CEP112: variants seen among roughly 807,000 people sequenced by gnomAD.
The protein encoded by CEP112 is centrosomal protein 112, also known as centrosomal protein of 112 kDa.
CEP112 carries 127 observed loss-of-function variants against 153.0 expected under a neutral mutation model. The ratio of observed to expected loss-of-function variants is 0.83; its 90% CI spans 0.72 to 0.96. CEP112 has a LOEUF of 0.96. CEP112 is among the 40% of genes least tolerant of loss of function. CEP112 has a pLI of 0.00. For synonymous variants in CEP112, 358 were observed against 374.4 expected (o/e 0.96, Z 0.51); for missense variants, 1,089 against 1,101.2 (o/e 0.99, Z 0.16).
chr17:65,919,346 C>T (rs1217114434), intron 19 of CEP112, among the ~76,000 whole-genome samples: 1 of 152,186 alleles, frequency 6.6e-6, no homozygotes, highest in Non-Finnish European at 1.5e-5. Context: ...CACACTCCCC[C>T]GGGGATCACC....
At chr17:65,658,902 T>C (rs182428217) in intron 24 of CEP112, among the ~76,000 whole-genome samples, 1 of 150,362 alleles carries the variant, frequency 6.7e-6, no homozygotes, top group East Asian at 2.0e-4. Flanking sequence ...AAAGTAGGTG[T>C]TAGGTGCTGC....
intron 20 of CEP112, among the ~76,000 whole-genome samples, chr17:65,864,972 A>C (rs1007678752): frequency 7.1e-6 from 1 of 140,974 alleles, no homozygotes; most frequent in Non-Finnish European, 1.5e-5. Context: ...GTGTGTGTAC[A>C]TATCTATGTA....
chr17:65,953,820 C>G (rs1417439178), intron 18 of CEP112, among the ~76,000 whole-genome samples: 6 of 152,200 alleles, frequency 3.9e-5, no homozygotes, highest in Non-Finnish European at 7.3e-5. Flanking sequence ...CAAGGAGAGG[C>G]TGAGCTCAGA....
intron 21 of CEP112, among the ~76,000 whole-genome samples, chr17:65,809,908 CA>C (rs139539385): frequency 1.6e-3 from 244 of 152,072 alleles, no homozygotes; most frequent in African/African-American, 5.7e-3. Context: ...AGCAGCTAGC[CA>C]ATTAGGAGAA....
intron 20 of CEP112, among the ~76,000 whole-genome samples, chr17:65,863,670 A>G (rs2058382533): frequency 6.7e-6 from 1 of 150,336 alleles, no homozygotes; most frequent in African/African-American, 2.5e-5. Context: ...GAGGCAGGAG[A>G]ATGGCGTGAA....
intron 8 of CEP112, among the ~76,000 whole-genome samples, chr17:66,082,843 G>C (rs1027712555): frequency 1.3e-5 from 2 of 150,936 alleles, no homozygotes; most frequent in Non-Finnish European, 3.0e-5. Flanking sequence ...AATAAAACTA[G>C]ATATTAATAT....
chr17:66,069,884 A>T (rs1316535773), intron 9 of CEP112, 31 bp downstream of exon 9: 4 of 1,265,398 alleles, frequency 3.2e-6, no homozygotes, highest in Non-Finnish European at 4.6e-6. Context: ...TTAGTGTTCA[A>T]TATAATTAAA....
chr17:66,002,482 A>G (rs1173376156), intron 17 of CEP112, among the ~76,000 whole-genome samples: 3 of 152,134 alleles, frequency 2.0e-5, no homozygotes, highest in Non-Finnish European at 4.4e-5. Context: ...GTGAAGAAAG[A>G]CAGCTTGGAA....
At chr17:65,707,252 G>A (rs1005161321) in intron 23 of CEP112, among the ~76,000 whole-genome samples, 19 of 152,024 alleles carry the variant, frequency 1.2e-4, no homozygotes, top group Admixed American at 9.8e-4. Flanking sequence ...TAGGAGTGGC[G>A]CAGGATGAAT....
At chr17:65,960,949 C>G (rs2062176601) in intron 18 of CEP112, among the ~76,000 whole-genome samples, 1 of 151,952 alleles carries the variant, frequency 6.6e-6, no homozygotes, top group Non-Finnish European at 1.5e-5. Context: ...GCGATGGGTA[C>G]CCAGGTGTTT....
At chr17:66,073,473 G>GC in intron 8 of CEP112, among the ~76,000 whole-genome samples, 1 of 152,294 alleles carries the variant, frequency 6.6e-6, no homozygotes, top group Non-Finnish European at 1.5e-5. Flanking sequence ...TGGGATGTGT[G>GC]CACCCTGGGT....
intron 5 of CEP112, among the ~76,000 whole-genome samples, chr17:66,130,351 A>T (rs574721173): frequency 6.6e-6 from 1 of 152,346 alleles, no homozygotes; most frequent in South Asian, 2.1e-4. Context: ...ACGTGAAAAG[A>T]TGAATTATTC....
intron 23 of CEP112, among the ~76,000 whole-genome samples, chr17:65,734,052 TGCTGTCCCA>T (rs2050663167): frequency 1.3e-5 from 2 of 152,230 alleles, no homozygotes; most frequent in South Asian, 4.1e-4. Context: ...GAGTAGACTG[TGCTGTCCCA>T]GGACCCACTG....
chr17:65,789,246 C>G (rs956280667), intron 21 of CEP112, among the ~76,000 whole-genome samples: 3 of 152,184 alleles, frequency 2.0e-5, no homozygotes, highest in Non-Finnish European at 4.4e-5. Context: ...TCGCTCTTGA[C>G]AGTCCTGCCA....
intron 17 of CEP112, among the ~76,000 whole-genome samples, chr17:65,976,735 C>CTTTCTTT (rs1555743390): frequency 1.2e-5 from 1 of 85,358 alleles, no homozygotes; most frequent in Admixed American, 1.1e-4. Flanking sequence ...ATAACTTTTT[C>CTTTCTTT]TTTTTTTTTT....
chr17:66,140,549 T>G (rs2070646927), intron 4 of CEP112, among the ~76,000 whole-genome samples: 1 of 152,286 alleles, frequency 6.6e-6, no homozygotes, highest in South Asian at 2.1e-4. Context: ...TTTAAACTAA[T>G]AAATGAATTC....
At chr17:66,023,201 C>G (rs145883249) in intron 16 of CEP112, among the ~76,000 whole-genome samples, 2 of 152,038 alleles carry the variant, frequency 1.3e-5, no homozygotes, top group African/African-American at 4.8e-5. Context: ...CATCCACATA[C>G]AAGAAGTGCA....
chr17:65,964,987 A>C (rs1177721924), intron 17 of CEP112, among the ~76,000 whole-genome samples: 1 of 152,200 alleles, frequency 6.6e-6, no homozygotes, highest in Non-Finnish European at 1.5e-5. Flanking sequence ...AAGAAAGATA[A>C]CACATTTTAT....
At chr17:65,886,967 G>C (rs1408210633) in intron 20 of CEP112, among the ~76,000 whole-genome samples, 2 of 151,954 alleles carry the variant, frequency 1.3e-5, no homozygotes, top group Non-Finnish European at 2.9e-5. Flanking sequence ...TTTGGGGGAG[G>C]GACTTAGAGT....
Sources: allele counts gnomAD v4.1 joint callset (sites outside exome capture counted in the v4.1 genomes callset), GRCh38; gene constraint gnomAD v4.1.1; transcripts MANE v1.5; gene names NCBI Gene and HGNC (gene_info 2026-07-23, HGNC 2026-07-21).